Variants in FOXP2 observed in about 807,000 individuals in gnomAD.
The protein encoded by FOXP2 is forkhead box P2.
Under a neutral mutation model 115.8 loss-of-function variants are expected in FOXP2, and 12 were observed. The ratio of observed to expected loss-of-function variants is 0.10; its 90% CI spans 0.07 to 0.17. The LOEUF is 0.17. Ranked by LOEUF, FOXP2 falls within the 10% of genes least tolerant of loss-of-function variation. The probability of loss-of-function intolerance (pLI) is 1.00; values close to 1 mark genes in which losing one functional copy is unlikely to be tolerated. For synonymous variants in FOXP2, 328 were observed against 297.7 expected (o/e 1.10, Z -1.05); for missense variants, 629 against 843.5 (o/e 0.75, Z 3.15).
intron 2 of FOXP2, among the ~76,000 whole-genome samples, chr7:114,528,352 C>T (rs1221806530): frequency 6.6e-6 from 1 of 152,012 alleles, no homozygotes; most frequent in Non-Finnish European, 1.5e-5. Context: ...ACTCCTGAAG[C>T]ATTTTTAAAA....
chr7:114,284,581 A>G (rs1301006613), intron 1 of FOXP2, among the ~76,000 whole-genome samples: 1 of 152,136 alleles, frequency 6.6e-6, no homozygotes, highest in African/African-American at 2.4e-5. Context: ...TATGCTATGG[A>G]AAAAAAGGAA....
In FOXP2 at chr7:114,304,474, C is replaced by G. The variant is rs577732567; in HGVS notation, c.-11+16365C>G. Among the ~76,000 whole-genome samples the G allele has an allele frequency of 3.3e-4, 50 of 151,880 alleles. No homozygotes were observed. In the South Asian group the frequency reaches 8.6e-3, roughly 26 times the overall value. On this transcript the variant is annotated intron_variant, in intron 2 of 17. Transcript: ENST00000634411. ...ATCACTTGAGGGCAGGAGTTCAACA[C>G]CAGCCTGGCCAACGTGACAAAATTA...
At chr7:114,678,013 A>G (rs1807868231) in intron 16 of FOXP2, among the ~76,000 whole-genome samples, 1 of 152,244 alleles carries the variant, frequency 6.6e-6, no homozygotes, top group Non-Finnish European at 1.5e-5. Flanking sequence ...GAAGGAATGA[A>G]GAGAGTTGCA....
chr7:114,263,679 A>G (rs1438679110), intron 1 of FOXP2, among the ~76,000 whole-genome samples: 3 of 151,152 alleles, frequency 2.0e-5, no homozygotes, highest in South Asian at 2.1e-4. Context: ...CTCCTATACC[A>G]TCCTGCATTG....
intron 1 of FOXP2, among the ~76,000 whole-genome samples, chr7:114,264,135 T>G (rs1295796770): frequency 6.6e-6 from 1 of 152,110 alleles, no homozygotes; most frequent in Non-Finnish European, 1.5e-5. Flanking sequence ...TATTAATATG[T>G]TATTTGCCTT....
intron 3 of FOXP2, among the ~76,000 whole-genome samples, chr7:114,590,088 A>G (rs1802369345): frequency 6.6e-6 from 1 of 152,166 alleles, no homozygotes; most frequent in Non-Finnish European, 1.5e-5. Flanking sequence ...ACATGTTACA[A>G]AATGCATACA....
chr7:114,155,681 A>G (rs1792646992), intron 1 of FOXP2, among the ~76,000 whole-genome samples: 2 of 152,158 alleles, frequency 1.3e-5, no homozygotes, highest in South Asian at 4.1e-4. Flanking sequence ...TGGGTCTGCA[A>G]CAACCTCAGT....
chr7:114,419,129 T>C (rs916354735), intron 1 of FOXP2, among the ~76,000 whole-genome samples: 1 of 151,948 alleles, frequency 6.6e-6, no homozygotes, highest in Non-Finnish European at 1.5e-5. Flanking sequence ...GCAATTGTTA[T>C]AGGTATATGT....
chr7:114,328,584 C>G (rs141043363), intron 2 of FOXP2, among the ~76,000 whole-genome samples: 56 of 152,240 alleles, frequency 3.7e-4, no homozygotes, highest in African/African-American at 1.3e-3. Flanking sequence ...CATGCAGTAA[C>G]AATAATAATC....
At chr7:114,234,166 A>G (rs984396492) in intron 1 of FOXP2, among the ~76,000 whole-genome samples, 1 of 152,172 alleles carries the variant, frequency 6.6e-6, no homozygotes, top group South Asian at 2.1e-4. Flanking sequence ...ATGATGGGAA[A>G]ATTATTTTTA....
At chr7:114,131,463 GGTT>G (rs1390373552) in intron 1 of FOXP2, among the ~76,000 whole-genome samples, 16 of 151,940 alleles carry the variant, frequency 1.1e-4, no homozygotes, top group African/African-American at 3.4e-4. Context: ...CTTTGTAAAA[GGTT>G]ACCGGGACAA....
At chr7:114,327,968 T>A (rs1248307289) in intron 2 of FOXP2, among the ~76,000 whole-genome samples, 1 of 151,952 alleles carries the variant, frequency 6.6e-6, no homozygotes, top group Non-Finnish European at 1.5e-5. Flanking sequence ...TCACCCAGCT[T>A]GGAGTCCAGT....
At chr7:114,193,716 C>A (rs561629101) in intron 1 of FOXP2, among the ~76,000 whole-genome samples, 43 of 152,130 alleles carry the variant, frequency 2.8e-4, no homozygotes, top group African/African-American at 9.9e-4. Flanking sequence ...AATGGCACTA[C>A]CATTGTTGAG....
chr7:114,104,095 G>C (rs1482868755), intron 1 of FOXP2, among the ~76,000 whole-genome samples: 1 of 151,654 alleles, frequency 6.6e-6, no homozygotes, highest in African/African-American at 2.4e-5. Context: ...CCATTGTGCT[G>C]AATGAAAGTC....
chr7:114,601,323 A>G (rs1250312681), intron 3 of FOXP2, among the ~76,000 whole-genome samples: 2 of 152,140 alleles, frequency 1.3e-5, no homozygotes, highest in Non-Finnish European at 2.9e-5. Context: ...ACTGAATAAA[A>G]ATTAATTTTT....
intron 3 of FOXP2, among the ~76,000 whole-genome samples, chr7:114,591,332 A>G (rs1354335978): frequency 1.3e-5 from 2 of 152,150 alleles, no homozygotes; most frequent in South Asian, 2.1e-4. Context: ...ATCCTTGATC[A>G]TCTGTCTAAA....
upstream of FOXP2, among the ~76,000 whole-genome samples, chr7:114,159,037 G>T (rs1210489378): frequency 6.6e-6 from 1 of 152,116 alleles, no homozygotes; most frequent in Non-Finnish European, 1.5e-5. Flanking sequence ...GTTGTGGACT[G>T]GATGTATATG....
At chr7:114,581,927 A>G (rs193119664) in intron 3 of FOXP2, among the ~76,000 whole-genome samples, 3 of 152,334 alleles carry the variant, frequency 2.0e-5, no homozygotes, top group Admixed American at 6.5e-5. Flanking sequence ...AGAATATACC[A>G]TAGAGCAGTG....
chr7:114,412,154 G>C (rs187837032), upstream of FOXP2, among the ~76,000 whole-genome samples: 1 of 152,184 alleles, frequency 6.6e-6, no homozygotes, highest in East Asian at 1.9e-4. Flanking sequence ...AAACACCACA[G>C]TCTGGTTAGC....
Sources: allele counts gnomAD v4.1 joint callset (sites outside exome capture counted in the v4.1 genomes callset), GRCh38; gene constraint gnomAD v4.1.1; transcripts MANE v1.5; gene names NCBI Gene and HGNC (gene_info 2026-07-23, HGNC 2026-07-21).